Variants in ACAP2 observed in about 807,000 individuals in gnomAD.
ACAP2 encodes the protein ArfGAP with coiled-coil, ankyrin repeat and PH domains 2, also known as arf-GAP with coiled-coil, ANK repeat and PH domain-containing protein 2.
A neutral mutation model predicts 115.8 loss-of-function variants in ACAP2; 39 were observed. That is an observed-to-expected ratio of 0.34 (90% CI 0.26 to 0.44). The LOEUF is 0.44. Among genes scored for constraint, ACAP2 ranks in the 20% least tolerant of loss-of-function variants. The probability of loss-of-function intolerance (pLI) is 1.00; values close to 1 mark genes in which losing one functional copy is unlikely to be tolerated. For missense variants in ACAP2, 662 were observed against 927.6 expected (o/e 0.71, Z 3.72); for synonymous variants, 289 against 315.8 (o/e 0.92, Z 0.90).
chr3:195,421,548 C>A (rs1181422828), intron 1 of ACAP2, among the ~76,000 whole-genome samples: 1 of 152,152 alleles, frequency 6.6e-6, no homozygotes, highest in Admixed American at 6.6e-5. Flanking sequence ...TTGTTGGAAT[C>A]ATAGGAAAGC....
At chr3:195,360,664 C>T (rs894808711) in intron 4 of ACAP2, among the ~76,000 whole-genome samples, 8 of 152,086 alleles carry the variant, frequency 5.3e-5, no homozygotes, top group African/African-American at 1.2e-4. Context: ...TGTGGTGGCA[C>T]GTGCCTGTAA....
chr3:195,364,662 T>C (rs1188239182), intron 4 of ACAP2, among the ~76,000 whole-genome samples: 1 of 152,178 alleles, frequency 6.6e-6, no homozygotes, highest in Non-Finnish European at 1.5e-5. Context: ...AAGAATACCC[T>C]TGTACACTGT....
intron 2 of ACAP2, among the ~76,000 whole-genome samples, chr3:195,389,676 A>AAAAAT (rs966180834): frequency 1.3e-5 from 2 of 152,332 alleles, no homozygotes; most frequent in African/African-American, 2.4e-5. Flanking sequence ...CCTCAGGGTA[A>AAAAAT]AAAATAAAAT....
At chr3:195,370,787 C>A (rs1317672938) in intron 4 of ACAP2, among the ~76,000 whole-genome samples, 1 of 152,002 alleles carries the variant, frequency 6.6e-6, no homozygotes, top group African/African-American at 2.4e-5. Context: ...CTGTCTTATA[C>A]TAAAAATACA....
chr3:195,423,340 C>A (rs1001251674), intron 1 of ACAP2, among the ~76,000 whole-genome samples: 1 of 152,012 alleles, frequency 6.6e-6, no homozygotes, highest in Non-Finnish European at 1.5e-5. Context: ...ACAAGTATTT[C>A]GGCCGGGCAT....
chr3:195,441,737 G>C (rs1378850623), intron 1 of ACAP2: 1 of 152,176 alleles, frequency 6.6e-6, no homozygotes, highest in Non-Finnish European at 1.5e-5. Flanking sequence ...CCTTATATTT[G>C]TAAGGACTAT....
chr3:195,419,085 GAC>G (rs1713965625), intron 1 of ACAP2, among the ~76,000 whole-genome samples: 1 of 152,040 alleles, frequency 6.6e-6, no homozygotes, highest in Non-Finnish European at 1.5e-5. Context: ...GCCTTATCGA[GAC>G]AAAATTCAAA....
At chr3:195,424,242 GTGGTGTGTGT>G (rs1200849396) in intron 1 of ACAP2, among the ~76,000 whole-genome samples, 1,235 of 102,332 alleles carry the variant, frequency 0.012, 17 homozygotes, top group Middle Eastern at 0.022. Flanking sequence ...GTGTGTGTGT[GTGGTGTGTGT>G]GTGTGTGTGT....
chr3:195,402,503 T>A lies in ACAP2; in HGVS notation c.54-10356A>T, dbSNP rs139728473. On this transcript the variant is annotated intron_variant, in intron 1 of 22. Transcript: ENST00000326793. ...CTTTTGGCATACAAGGTCGCACCTA[T>A]TTACCTATATGTAACCAATATTATA... is the stretch of plus-strand genomic sequence containing the variant. Among the ~76,000 whole-genome samples the A allele has an allele frequency of 1.3e-4, 20 of 152,330 alleles. No homozygotes were observed. The South Asian group carries it at 1.4e-3, about 11-fold the overall frequency.
Position 195,278,494 on chromosome 3 carries a change from A to G in ACAP2, c.*834T>C, listed in dbSNP as rs1468770215. 2 of 152,222 alleles carry G rather than the reference A, an allele frequency of 1.3e-5. 1 individual carries two copies. The highest frequency in any genetic ancestry group is 4.8e-5 in the African/African-American group (2 of 41,462). 9.4% of individuals were successfully genotyped at this position (152,222 alleles called of 1,614,324 possible). A position where few individuals can be genotyped will look rare whatever the true frequency, so the allele number is the denominator to read the frequency against. The stretch of plus-strand genomic sequence containing the variant: ...TTTCCTTTAAAGTTTTGATGAAGGC[A>G]TAATTTTGTGACATTCAAGTAACCT... On this transcript the variant is annotated 3_prime_UTR_variant, in exon 23 of 23. Transcript: ENST00000326793.
chr3:195,318,618 T>C (rs1729243714), intron 10 of ACAP2, among the ~76,000 whole-genome samples: 1 of 152,208 alleles, frequency 6.6e-6, no homozygotes, highest in Non-Finnish European at 1.5e-5. Context: ...GGATTTAGGA[T>C]ATCTGGCAGA....
At chr3:195,421,107 A>T (rs1056702921) in intron 1 of ACAP2, among the ~76,000 whole-genome samples, 13 of 152,196 alleles carry the variant, frequency 8.5e-5, no homozygotes, top group South Asian at 2.1e-4. Flanking sequence ...ATATATAATG[A>T]ATTATATGTA....
At chr3:195,373,483 T>C (rs1733316208) in intron 4 of ACAP2, among the ~76,000 whole-genome samples, 1 of 152,216 alleles carries the variant, frequency 6.6e-6, no homozygotes, top group Non-Finnish European at 1.5e-5. Context: ...CTAAAATTTA[T>C]GAATTAAAAG....
chr3:195,435,669 C>T (rs1007015312), intron 1 of ACAP2, among the ~76,000 whole-genome samples: 1 of 151,886 alleles, frequency 6.6e-6, no homozygotes, highest in African/African-American at 2.4e-5. Context: ...TTCAGATTTC[C>T]TTGTTATTGA....
chr3:195,368,339 G>A (rs1468319622), intron 4 of ACAP2, among the ~76,000 whole-genome samples: 2 of 152,016 alleles, frequency 1.3e-5, no homozygotes, highest in Non-Finnish European at 2.9e-5. Flanking sequence ...TAATAGAGAC[G>A]GGGTTTCACC....
intron 7 of ACAP2, among the ~76,000 whole-genome samples, chr3:195,333,375 T>G (rs1730302805): frequency 6.6e-6 from 1 of 152,150 alleles, no homozygotes; most frequent in Non-Finnish European, 1.5e-5. Context: ...CTAATTTTTT[T>G]ATTTTTGTAG....
At chr3:195,416,233 C>T (rs1713714976) in intron 1 of ACAP2, among the ~76,000 whole-genome samples, 2 of 151,902 alleles carry the variant, frequency 1.3e-5, no homozygotes, top group African/African-American at 2.4e-5. Context: ...GTAGTCCCAG[C>T]TACTTGGGAG....
intron 1 of ACAP2, among the ~76,000 whole-genome samples, chr3:195,421,875 T>C (rs939462652): frequency 6.6e-6 from 1 of 152,218 alleles, no homozygotes; most frequent in African/African-American, 2.4e-5. Flanking sequence ...TTCAGAAATA[T>C]ATAGTAAGTT....
chr3:195,380,590 C>A (rs1199422572), intron 4 of ACAP2, among the ~76,000 whole-genome samples: 1 of 152,026 alleles, frequency 6.6e-6, no homozygotes, highest in African/African-American at 2.4e-5. Flanking sequence ...ATATAGCACT[C>A]TTTAATATTG....
Sources: allele counts gnomAD v4.1 joint callset (sites outside exome capture counted in the v4.1 genomes callset), GRCh38; gene constraint gnomAD v4.1.1; transcripts MANE v1.5; gene names NCBI Gene and HGNC (gene_info 2026-07-23, HGNC 2026-07-21).